CHD1: variants seen among roughly 807,000 people sequenced by gnomAD.
The protein encoded by CHD1 is ATP-dependent chromatin remodeler CHD1.
Under a neutral mutation model 224.2 loss-of-function variants are expected in CHD1, and 36 were observed. That is an observed-to-expected ratio of 0.16 (90% CI 0.12 to 0.21). The LOEUF is 0.21. CHD1 is among the 10% of genes least tolerant of loss of function. The pLI is 1.00. For synonymous variants in CHD1, 668 were observed against 658.3 expected, an observed-to-expected ratio of 1.01 and a Z score of -0.23; for missense variants, 1,378 against 1,994.8, an observed-to-expected ratio of 0.69 and a Z score of 5.89.
intron 2 of CHD1, among the ~76,000 whole-genome samples, chr5:98,906,633 T>C (rs1184284881): frequency 6.6e-6 from 1 of 152,222 alleles, no homozygotes; most frequent in Non-Finnish European, 1.5e-5. Flanking sequence ...TTCTTTGCTA[T>C]GTTTAAGACA....
In CHD1 at chr5:98,860,311, AGG is replaced by A. The variant is rs545883377; in HGVS notation, c.4428-245_4428-244del. The A allele has an allele frequency of 1.2e-3, 508 of 439,634 alleles. 3 individuals are homozygous for A. The highest frequency in any genetic ancestry group is 4.4e-3 in the Middle Eastern group (10 of 2,272). 27.2% of individuals were successfully genotyped at this position (439,634 alleles called of 1,614,324 possible). A position where few individuals can be genotyped will look rare whatever the true frequency, so the allele number is the denominator to read the frequency against. ...CAAATCGCTTCATTTTATAGTCTTT[AGG>A]GTGAAAAGCAGTACAATCCTAATTT... is the stretch of plus-strand genomic sequence containing the variant. On this transcript the variant is annotated intron_variant, in intron 32 of 35. Coordinates refer to ENST00000614616, the MANE Select transcript of CHD1 (RefSeq NM_001270.4).
intron 20 of CHD1, 129 bp from the exon 21 acceptor site, chr5:98,881,504 T>C (rs879654802): frequency 3.7e-5 from 20 of 540,736 alleles, no homozygotes; most frequent in Non-Finnish European, 5.5e-5. Context: ...AAATCAAGTA[T>C]TAGAATCCTT....
intron 2 of CHD1, among the ~76,000 whole-genome samples, chr5:98,924,920 G>A (rs1187618887): frequency 6.6e-6 from 1 of 151,836 alleles, no homozygotes; most frequent in Non-Finnish European, 1.5e-5. Flanking sequence ...GGAGGTTGCA[G>A]TGAGCCGGGA....
At chr5:98,915,125 C>T (rs1752655992) in intron 2 of CHD1, among the ~76,000 whole-genome samples, 1 of 152,284 alleles carries the variant, frequency 6.6e-6, no homozygotes, top group South Asian at 2.1e-4. Flanking sequence ...ATGAAGTATA[C>T]ACACACATAA....
intron 31 of CHD1, among the ~76,000 whole-genome samples, chr5:98,866,946 GAAC>G (rs1748918384): frequency 6.6e-6 from 1 of 151,918 alleles, no homozygotes; most frequent in Non-Finnish European, 1.5e-5. Flanking sequence ...CTGAATTTAG[GAAC>G]AACATCTACA....
chr5:98,918,045 T>C (rs1752854608), intron 2 of CHD1, among the ~76,000 whole-genome samples: 1 of 149,738 alleles, frequency 6.7e-6, no homozygotes, highest in Non-Finnish European at 1.5e-5. Context: ...CACCTGGAAC[T>C]AAGTCACAGA....
chr5:98,869,660 G>C, intron 30 of CHD1, 94 bp downstream of exon 30: 1 of 1,287,754 alleles, frequency 7.8e-7, no homozygotes, highest in Middle Eastern at 2.4e-4. Context: ...ACAGACTTCG[G>C]TACCTAAAAT....
At position 98,928,788 on chromosome 5, in the gene CHD1, G is replaced by C. The variant is rs1259400419; in HGVS notation, c.-398C>G. The C allele has an allele frequency of 6.3e-6, 1 of 159,094 alleles. No homozygotes were observed. The highest frequency in any genetic ancestry group is 1.4e-5 in the Non-Finnish European group (1 of 72,814). 9.9% of individuals were successfully genotyped at this position (159,094 alleles called of 1,614,324 possible). ...AGCACCAAGGGCGAGGGCAGCAAGAGCTATAAGTAACCAGTCGTCGCCGCC... is the reference window on the plus strand; with the variant it reads ...AGCACCAAGGGCGAGGGCAGCAAGACCTATAAGTAACCAGTCGTCGCCGCC... On this transcript the variant is annotated 5_prime_UTR_variant, in exon 1 of 36. Coordinates refer to ENST00000614616, the MANE Select transcript of CHD1 (RefSeq NM_001270.4).
chr5:98,886,988 A>G (rs761133767), intron 17 of CHD1, among the ~76,000 whole-genome samples: 17 of 152,158 alleles, frequency 1.1e-4, no homozygotes, highest in Non-Finnish European at 2.1e-4. Context: ...AACACAGGGC[A>G]GAAGAGGAAG....
At position 98,922,342 on chromosome 5, in the gene CHD1, C is replaced by T. The variant is rs532139916; in HGVS notation, c.53+3992G>A. ...AGCTGTAACTGTTATACAGGTGCATCCTGGCCCACATTTCTTAGTAACTAA... is the reference window on the plus strand; with the variant it reads ...AGCTGTAACTGTTATACAGGTGCATTCTGGCCCACATTTCTTAGTAACTAA... On this transcript the variant is annotated intron_variant, in intron 2 of 35. Coordinates refer to ENST00000614616, the MANE Select transcript of CHD1 (RefSeq NM_001270.4). 2.6e-5 allele frequency among the ~76,000 whole-genome samples: 4 copies of T among 152,314 alleles called. No homozygotes were observed. In the East Asian group the frequency reaches 7.7e-4, roughly 29 times the overall value.
At chr5:98,912,233 A>G (rs1396059052) in intron 2 of CHD1, among the ~76,000 whole-genome samples, 1 of 152,240 alleles carries the variant, frequency 6.6e-6, no homozygotes, top group Non-Finnish European at 1.5e-5. Context: ...ACAGGCAAGT[A>G]AACATTCAAT....
chr5:98,880,263 C>A (rs1438922681), intron 22 of CHD1, among the ~76,000 whole-genome samples: 1 of 152,170 alleles, frequency 6.6e-6, no homozygotes, highest in South Asian at 2.1e-4. Flanking sequence ...CACAGCCGGG[C>A]GAAGTGGCTC....
intron 2 of CHD1, 66 bp downstream of exon 2, chr5:98,926,268 T>C: frequency 1.0e-6 from 1 of 972,144 alleles, no homozygotes; most frequent in Non-Finnish European, 1.5e-6. Flanking sequence ...ACAATAACAA[T>C]AAAGAAAAAA....
chr5:98,876,543 T>C lies in CHD1; in HGVS notation c.3253A>G (p.Ser1085Gly). Residue 1085 changes from serine (S) to glycine (G), a missense_variant, in exon 24 of 36, where the codon AGT (serine) becomes GGT (glycine). Physicochemically the swap from Ser to Gly is moderately conservative, Grantham distance 56. This residue lies in a region of CHD1 where 286 missense variants were observed against 445.1 expected (regional missense o/e 0.64). Coordinates refer to ENST00000614616, the MANE Select transcript of CHD1 (RefSeq NM_001270.4). ...NCAKQISFNG[S>G]EGRRSRSRRY... ...CTACTTCTACTGCGCCTCCCTTCACTTCCATTGAAACTAATCTGGAATTGG... is the reference window on the plus strand; with the variant it reads ...CTACTTCTACTGCGCCTCCCTTCACCTCCATTGAAACTAATCTGGAATTGG... 6.2e-7 allele frequency: 1 copy of C among 1,613,602 alleles called. No individual in the cohort carries two copies. Among genetic ancestry groups the C allele is most frequent in the Non-Finnish European group, 8.5e-7 (1 of 1,179,696 alleles).
chr5:98,902,167 C>T (rs1236569723), intron 5 of CHD1, among the ~76,000 whole-genome samples: 1 of 151,698 alleles, frequency 6.6e-6, no homozygotes, highest in Admixed American at 6.6e-5. Flanking sequence ...ATCCAATATA[C>T]ATCTATTAAT....
chr5:98,911,146 A>AAATATATATATAT (rs1491111295), intron 2 of CHD1, among the ~76,000 whole-genome samples: 28 of 39,126 alleles, frequency 7.2e-4, no homozygotes, highest in South Asian at 1.1e-3. Context: ...AAAAAAAAAA[A>AAATATATATATAT]ATATATATAT....
chr5:98,890,300 T>G (rs1225714258), intron 15 of CHD1, among the ~76,000 whole-genome samples: 1 of 152,204 alleles, frequency 6.6e-6, no homozygotes, highest in African/African-American at 2.4e-5. Context: ...CATACTCTTT[T>G]ATTACCATTC....
chr5:98,902,769 T>A (rs1377312865), intron 5 of CHD1, 131 bp downstream of exon 5: 19 of 575,250 alleles, frequency 3.3e-5, no homozygotes. Context: ...TGGTGTAAAT[T>A]AACTTCATAA....
chr5:98,900,647 GC>G (rs998926630), intron 7 of CHD1, among the ~76,000 whole-genome samples, 163 bp downstream of exon 7: 5 of 151,922 alleles, frequency 3.3e-5, no homozygotes, highest in Admixed American at 6.6e-5. Flanking sequence ...TGCCACGTTG[GC>G]CAGGCTGGTC....
Sources: allele counts gnomAD v4.1 joint callset (sites outside exome capture counted in the v4.1 genomes callset), GRCh38; gene constraint gnomAD v4.1.1; regional missense constraint gnomAD v4.1.1; transcripts MANE v1.5; gene names NCBI Gene and HGNC (gene_info 2026-07-23, HGNC 2026-07-21).